The following NWD1 variants were observed in gnomAD, a reference collection of about 807,000 sequenced individuals.
The protein encoded by NWD1 is NACHT domain- and WD repeat-containing protein 1.
Under a neutral mutation model 135.1 loss-of-function variants are expected in NWD1, and 129 were observed. The ratio of observed to expected loss-of-function variants is 0.96; its 90% CI spans 0.83 to 1.11. The LOEUF (loss-of-function observed/expected upper bound fraction) is 1.11. Ranked by LOEUF, NWD1 falls within the 50% of genes least tolerant of loss-of-function variation. The pLI is 0.00. For missense variants in NWD1, 1,740 were observed against 1,851.3 expected, an observed-to-expected ratio of 0.94 and a Z score of 1.10; for synonymous variants, 773 against 786.0, an observed-to-expected ratio of 0.98 and a Z score of 0.28.
chr19:16,745,481 A>C (rs773917), intron 5 of NWD1, among the ~76,000 whole-genome samples: 101,802 of 151,340 alleles, frequency 0.67, 35,335 homozygotes, highest in African/African-American at 0.83. Flanking sequence ...GTAATCCCAG[A>C]ATTTTGGAAG....
intron 11 of NWD1, among the ~76,000 whole-genome samples, chr19:16,776,120 G>A (rs1177712820): frequency 6.6e-6 from 1 of 152,184 alleles, no homozygotes. Context: ...CATGGCACAG[G>A]CATAGGAAGT....
chr19:16,744,789 G>T (rs753570115), intron 5 of NWD1, 71 bp downstream of exon 5: 29 of 1,337,870 alleles, frequency 2.2e-5, no homozygotes, highest in South Asian at 3.8e-5. Flanking sequence ...TCCATCCCCT[G>T]TTGGCAAAAA....
At chr19:16,752,300 C>G (rs548609808) in intron 6 of NWD1, among the ~76,000 whole-genome samples, 4 of 151,686 alleles carry the variant, frequency 2.6e-5, no homozygotes, top group African/African-American at 9.7e-5. Flanking sequence ...GTCAACCCAA[C>G]GAGGAGGTCT....
At chr19:16,772,237 C>A (rs1327854518) in intron 10 of NWD1, among the ~76,000 whole-genome samples, 2 of 152,164 alleles carry the variant, frequency 1.3e-5, no homozygotes, top group Non-Finnish European at 2.9e-5. Flanking sequence ...TGGTGACGTG[C>A]ATCTGCAGTC....
intron 13 of NWD1, 56 bp downstream of exon 13, chr19:16,789,246 C>T: frequency 7.3e-7 from 1 of 1,375,442 alleles, no homozygotes. Flanking sequence ...CATTCAAAGA[C>T]AGAATAGGCC....
At chr19:16,796,454 A>G (rs933176159) in intron 15 of NWD1, among the ~76,000 whole-genome samples, 4 of 152,038 alleles carry the variant, frequency 2.6e-5, no homozygotes, top group Non-Finnish European at 5.9e-5. Context: ...GAAAGAATCA[A>G]TCAGGAAAGG....
chr19:16,799,916 C>A lies in NWD1; in HGVS notation c.3490C>A (p.Leu1164Met), dbSNP rs1447997828. 6.2e-7 allele frequency: 1 copy of A among 1,612,800 alleles called. No homozygotes were observed. The highest frequency in any genetic ancestry group is 1.3e-5 in the African/African-American group (1 of 74,904). The change falls in exon 17 of 19, where the codon CTG becomes ATG. Residue 1164 changes from leucine to methionine, a missense_variant. Leu to Met is a conservative substitution (Grantham distance 15). Transcript: ENST00000524140. ...GAGTCTGTCAGAACAGGGGACCCTT[C>A]TGGACATCCTGGAAGGCGTCGGGGC... is the stretch of plus-strand genomic sequence containing the variant. ...VWSLSEQGTL[L>M]DILEGVGAPV...
chr19:16,796,837 C>T (rs1165124691), intron 15 of NWD1, among the ~76,000 whole-genome samples: 1 of 152,132 alleles, frequency 6.6e-6, no homozygotes, highest in Non-Finnish European at 1.5e-5. Context: ...TCCCTGCCCT[C>T]CAGGAACTTA....
intron 17 of NWD1, among the ~76,000 whole-genome samples, chr19:16,806,298 C>A (rs1568395740): frequency 6.6e-6 from 1 of 152,136 alleles, no homozygotes; most frequent in Non-Finnish European, 1.5e-5. Flanking sequence ...CTTCATTTTA[C>A]TCCTGGGAAT....
intron 6 of NWD1, among the ~76,000 whole-genome samples, chr19:16,756,784 G>T (rs1484276550): frequency 1.3e-5 from 2 of 152,108 alleles, no homozygotes; most frequent in Admixed American, 1.3e-4. Flanking sequence ...TGAGCAGTGG[G>T]CGAACAAGTG....
At chr19:16,764,468 C>A (rs1454656088) in intron 9 of NWD1, among the ~76,000 whole-genome samples, 2 of 151,244 alleles carry the variant, frequency 1.3e-5, no homozygotes, top group African/African-American at 4.9e-5. Flanking sequence ...TGGTTATAAC[C>A]ATCCATCCAT....
At chr19:16,744,218 A>T (rs572742836) in intron 4 of NWD1, among the ~76,000 whole-genome samples, 6 of 152,128 alleles carry the variant, frequency 3.9e-5, no homozygotes, top group African/African-American at 1.4e-4. Context: ...GTGAGACCCT[A>T]TCTGTACCGA....
intron 6 of NWD1, among the ~76,000 whole-genome samples, chr19:16,756,339 C>A (rs1412816975): frequency 6.6e-6 from 1 of 152,098 alleles, no homozygotes; most frequent in Non-Finnish European, 1.5e-5. Context: ...TCCTTGTCAT[C>A]TTCACATTGA....
At position 16,744,564 on chromosome 19, in the gene NWD1, G is replaced by A. The variant is rs1029300270; in HGVS notation, c.342G>A (p.Ala114=). 58 of 1,535,382 alleles carry A rather than the reference G, an allele frequency of 3.8e-5. No homozygotes were observed. The highest frequency in any genetic ancestry group is 1.7e-4 in the South Asian group (14 of 84,018). ...VARYFQRDEN[A]FPPTYVLQAP... is the part of the protein sequence containing the mutation. Reference sequence around the variant, plus strand: ...GATACTTCCAGAGGGACGAGAATGCGTTTCCTCCCACCTACGTCCTGCAGG... The same window carrying A: ...GATACTTCCAGAGGGACGAGAATGCATTTCCTCCCACCTACGTCCTGCAGG... The change falls in exon 5 of 19, where the codon GCG becomes GCA. Residue 114 remains alanine (A), a synonymous_variant. Transcript: ENST00000524140.
At chr19:16,763,600 C>A (rs536526246) in intron 8 of NWD1, among the ~76,000 whole-genome samples, 1 of 152,266 alleles carries the variant, frequency 6.6e-6, no homozygotes, top group Non-Finnish European at 1.5e-5. Context: ...AGGAAACATT[C>A]CCTATTCCTC....
chr19:16,741,112 A>G (rs1369578959), intron 4 of NWD1, among the ~76,000 whole-genome samples: 2 of 152,090 alleles, frequency 1.3e-5, no homozygotes, highest in Non-Finnish European at 2.9e-5. Flanking sequence ...GTGAGCCAAG[A>G]TTGCACTATT....
rs149898770 is a variant in NWD1, at chr19:16,795,845, C to T, written c.3304+1292C>T. Among the ~76,000 whole-genome samples, 604 of 152,238 alleles carry T rather than the reference C, an allele frequency of 4.0e-3. 4 individuals are homozygous for T. The highest frequency in any genetic ancestry group is 0.01 in the Middle Eastern group (3 of 294). On this transcript the variant is annotated intron_variant, in intron 15 of 18. Coordinates refer to ENST00000524140, the MANE Select transcript of NWD1 (RefSeq NM_001007525.5). ...CTTGGCCCCACCACTGCTTCTATTGCGTGGAGCAGCTTCCCTCTGCCATCA... is the reference window on the plus strand; with the variant it reads ...CTTGGCCCCACCACTGCTTCTATTGTGTGGAGCAGCTTCCCTCTGCCATCA...
chr19:16,767,290 C>T (rs1815264826), intron 10 of NWD1, among the ~76,000 whole-genome samples: 2 of 149,276 alleles, frequency 1.3e-5, no homozygotes, highest in Admixed American at 1.4e-4. Context: ...TGCATGGCAG[C>T]AGGCGAGAGA....
At chr19:16,722,341 T>A (rs1417989449) in intron 1 of NWD1, among the ~76,000 whole-genome samples, 1 of 149,882 alleles carries the variant, frequency 6.7e-6, no homozygotes, top group Non-Finnish European at 1.5e-5. Context: ...CAGGATGGAG[T>A]GCAATGGTGC....
Sources: allele counts gnomAD v4.1 joint callset (sites outside exome capture counted in the v4.1 genomes callset), GRCh38; gene constraint gnomAD v4.1.1; transcripts MANE v1.5; gene names NCBI Gene and HGNC (gene_info 2026-07-23, HGNC 2026-07-21).